The following CSTPP1 variants were observed in gnomAD, a reference collection of about 807,000 sequenced individuals.
CSTPP1 encodes centriolar satellite-associated tubulin polyglutamylase complex regulator 1.
the CSTPP1 span, among the ~76,000 whole-genome samples, chr11:46,959,942 C>T: frequency 6.6e-6 from 1 of 150,564 alleles, no homozygotes; most frequent in Non-Finnish European, 1.5e-5. Context: ...TTTCGGCTCA[C>T]TGCAACCTCC....
At chr11:47,052,914 T>C in the CSTPP1 span, 1 of 157,302 alleles carries the variant, frequency 6.4e-6, no homozygotes, top group Non-Finnish European at 1.4e-5. Flanking sequence ...TAGTAAATTC[T>C]GGGCCCAGAT....
the CSTPP1 span, among the ~76,000 whole-genome samples, chr11:47,039,764 G>A: frequency 2.3e-5 from 3 of 128,204 alleles, 1 homozygote; most frequent in African/African-American, 2.5e-5. Context: ...GCATGAACCC[G>A]GGAGGCGGAG....
At chr11:47,157,852 T>C in the CSTPP1 span, 214 of 1,614,104 alleles carry the variant, frequency 1.3e-4, no homozygotes, top group Non-Finnish European at 1.7e-4. Context: ...CCCTCAGCAA[T>C]GTTCAGAGAC....
At chr11:47,164,277 G>A in the CSTPP1 span, 2 of 1,601,032 alleles carry the variant, frequency 1.2e-6, no homozygotes, top group Admixed American at 3.5e-5. Flanking sequence ...ACTGGGCAGG[G>A]AGGCAGGATC....
At chr11:47,063,983 G>A in the CSTPP1 span, among the ~76,000 whole-genome samples, 1 of 152,092 alleles carries the variant, frequency 6.6e-6, no homozygotes, top group Non-Finnish European at 1.5e-5. Flanking sequence ...CCCCAATAAT[G>A]CTTGTTGCTA....
At chr11:47,039,202 G>C in the CSTPP1 span, among the ~76,000 whole-genome samples, 58,242 of 125,924 alleles carry the variant, frequency 0.46, 20,940 homozygotes, top group African/African-American at 0.63. Context: ...CTGCACTCCA[G>C]CCTGGGCACC....
the CSTPP1 span, chr11:47,161,696 G>A: frequency 1.6e-5 from 24 of 1,538,432 alleles, no homozygotes; most frequent in Middle Eastern, 3.6e-4. Flanking sequence ...AGCCCTTGGT[G>A]TGCCCACCCA....
the CSTPP1 span, among the ~76,000 whole-genome samples, chr11:47,105,649 G>A: frequency 1.4e-3 from 213 of 152,282 alleles, no homozygotes; most frequent in Non-Finnish European, 1.6e-3. Flanking sequence ...TTACAGATGA[G>A]GAAGTTGAAA....
the CSTPP1 span, among the ~76,000 whole-genome samples, chr11:47,150,251 G>C: frequency 1.3e-5 from 2 of 152,088 alleles, no homozygotes; most frequent in African/African-American, 4.8e-5. Context: ...TAATCCCTCT[G>C]AATGTCTGCA....
chr11:47,081,354 A>C, the CSTPP1 span, among the ~76,000 whole-genome samples: 1 of 152,208 alleles, frequency 6.6e-6, no homozygotes, highest in African/African-American at 2.4e-5. Context: ...TATCTATAAT[A>C]GATATTAAAA....
At chr11:47,071,980 GTGGGAGAGGTTCCTTCACGGACTCCA>G in the CSTPP1 span, among the ~76,000 whole-genome samples, 1 of 152,262 alleles carries the variant, frequency 6.6e-6, no homozygotes, top group African/African-American at 2.4e-5. Context: ...CCCCCACTCT[GTGGGAGAGGTTCCTTCACGGACTCCA>G]CTAAGCCCAT....
the CSTPP1 span, chr11:46,936,703 C>T: frequency 1.3e-6 from 2 of 1,539,210 alleles, no homozygotes; most frequent in African/African-American, 1.4e-5. Context: ...CCTCCAGCTC[C>T]CGTCCCCCTT....
At chr11:47,156,729 GC>G in the CSTPP1 span, among the ~76,000 whole-genome samples, 1 of 151,774 alleles carries the variant, frequency 6.6e-6, no homozygotes. Flanking sequence ...CTGGCTAAGT[GC>G]CAGAAAAAAA....
chr11:47,157,323 G>C, the CSTPP1 span: 9 of 1,285,396 alleles, frequency 7.0e-6, no homozygotes, highest in South Asian at 1.1e-4. Context: ...AGGCATTCTA[G>C]GGCCCTTGCT....
chr11:47,097,451 T>TGGG, the CSTPP1 span, among the ~76,000 whole-genome samples: 1 of 20,838 alleles, frequency 4.8e-5, no homozygotes, highest in African/African-American at 2.2e-4. Flanking sequence ...GGGAGGGAGG[T>TGGG]GGGGGGGGGT....
chr11:46,947,854 C>T, the CSTPP1 span, among the ~76,000 whole-genome samples: 1 of 152,110 alleles, frequency 6.6e-6, no homozygotes, highest in Non-Finnish European at 1.5e-5. Flanking sequence ...CTTCTCTCAC[C>T]TGGGACAGTC....
chr11:46,977,564 G>A, the CSTPP1 span, among the ~76,000 whole-genome samples: 6 of 152,296 alleles, frequency 3.9e-5, no homozygotes, highest in South Asian at 1.2e-3. Context: ...TGCTCCTGCT[G>A]CTTACTGGCC....
At chr11:46,976,748 G>A in the CSTPP1 span, among the ~76,000 whole-genome samples, 5 of 152,180 alleles carry the variant, frequency 3.3e-5, no homozygotes, top group East Asian at 9.7e-4. Flanking sequence ...TATGCAGGGG[G>A]TTAGTTCCAG....
chr11:47,124,811 C>G, the CSTPP1 span, among the ~76,000 whole-genome samples: 1 of 151,994 alleles, frequency 6.6e-6, no homozygotes, highest in Admixed American at 6.5e-5. Context: ...TTTTTCTTTA[C>G]TTTTTGTATG....
Sources: gnomAD v4.1 joint callset for allele counts (sites outside exome capture counted in the v4.1 genomes callset) on GRCh38, gnomAD v4.1.1 for gene constraint, MANE v1.5 for transcripts, NCBI Gene and HGNC (gene_info 2026-07-23, HGNC 2026-07-21) for gene names.